PLPP7: variants seen among roughly 807,000 people sequenced by gnomAD.
PLPP7 encodes the protein phospholipid phosphatase 7 (inactive).
PLPP7 carries 11 observed loss-of-function variants against 16.9 expected under a neutral mutation model. That is an observed-to-expected ratio of 0.65 (90% CI 0.41 to 1.08). The LOEUF (loss-of-function observed/expected upper bound fraction) is 1.08, where lower values mean the gene tolerates loss of function less well. Among genes scored for constraint, PLPP7 ranks in the 50% least tolerant of loss-of-function variants. PLPP7 has a pLI of 0.00. For synonymous variants in PLPP7, 174 were observed against 175.1 expected, an observed-to-expected ratio of 0.99 and a Z score of 0.05; for missense variants, 358 against 397.1, an observed-to-expected ratio of 0.90 and a Z score of 0.84.
At chr9:131,302,958 G>A (rs970782006) in intron 1 of PLPP7, among the ~76,000 whole-genome samples, 9 of 152,206 alleles carry the variant, frequency 5.9e-5, no homozygotes, top group South Asian at 2.1e-4. Context: ...CAAGGGGATC[G>A]GGGGTATGTG....
chr9:131,307,505 T>C (rs1198849259), intron 1 of PLPP7, among the ~76,000 whole-genome samples: 1 of 120,830 alleles, frequency 8.3e-6, no homozygotes, highest in African/African-American at 3.4e-5. Context: ...TGAGCCAAGA[T>C]CTCACCTCTG....
rs1170328886 is a variant in PLPP7 at position 131,290,205 on chromosome 9, T to A, written c.208T>A (p.Cys70Ser). 1.9e-6 allele frequency: 3 copies of A among 1,601,496 alleles called. No individual in the cohort carries two copies. In the South Asian group the frequency reaches 3.4e-5, roughly 18 times the overall value. The change falls in exon 1 of 2, where the codon TGC becomes AGC. Residue 70 changes from cysteine to serine, a missense_variant. Coordinates refer to ENST00000372264, the MANE Select transcript of PLPP7 (RefSeq NM_032728.4). The surrounding 1 kb of genome is among the most constrained non-coding windows in gnomAD (Gnocchi z 4.2). ...GTCACAGCAGCTGCCAGAGGAGGAC[T>A]GCATGCAGCTGAACCCCTCCTTCAA... is the stretch of plus-strand genomic sequence containing the variant. The part of the protein sequence containing the change: ...RQSQQLPEED[C>S]MQLNPSFKGI...
At chr9:131,306,218 C>T (rs953307707) in intron 1 of PLPP7, among the ~76,000 whole-genome samples, 3 of 151,382 alleles carry the variant, frequency 2.0e-5, no homozygotes, top group Non-Finnish European at 2.9e-5. Flanking sequence ...GCCTGGATGA[C>T]TGAGCGAGAC....
chr9:131,306,894 G>A (rs141342850), intron 1 of PLPP7, among the ~76,000 whole-genome samples: 194 of 152,290 alleles, frequency 1.3e-3, no homozygotes, highest in African/African-American at 4.3e-3. Flanking sequence ...CCGCTGAAGC[G>A]TGCACTCTAA....
chr9:131,294,989 G>A (rs561143266), intron 1 of PLPP7, among the ~76,000 whole-genome samples: 24 of 149,804 alleles, frequency 1.6e-4, no homozygotes, highest in African/African-American at 5.6e-4. Context: ...ATCTCACTCT[G>A]TCTCCAGGCT....
Position 131,308,421 on chromosome 9 carries a change from C to G in PLPP7, c.*134C>G. ...GCGGCCACCCCCACCTCATCTTCCCCTCCTGGCTGGAGGCTGGCGAACCCA... is the reference window on the plus strand; with the variant it reads ...GCGGCCACCCCCACCTCATCTTCCCGTCCTGGCTGGAGGCTGGCGAACCCA... On this transcript the variant is annotated 3_prime_UTR_variant, in exon 2 of 2. Transcript: ENST00000372264. 7.2e-7 allele frequency: 1 copy of G among 1,388,032 alleles called. No homozygotes were observed. The highest frequency in any genetic ancestry group is 9.5e-7 in the Non-Finnish European group (1 of 1,056,466). The allele number at this position is 1,388,032 out of a possible 1,614,324, so 86.0% of individuals were successfully genotyped here.
Position 131,308,075 on chromosome 9 carries a change from A to C in PLPP7, c.604A>C (p.Lys202Gln). 1.2e-6 allele frequency: 2 copies of C among 1,601,400 alleles called. No individual in the cohort carries two copies. The highest frequency in any genetic ancestry group is 1.7e-6 in the Non-Finnish European group (2 of 1,179,822). The change falls in exon 2 of 2, where the codon AAG (lysine) becomes CAG (glutamine). Residue 202 changes from lysine to glutamine, a missense_variant. Transcript: ENST00000372264. ...GHASRAAMVS[K>Q]FFLSHLVLAV... is the part of the protein sequence containing the mutation. The stretch of plus-strand genomic sequence containing the variant: ...CGCCAGCCGCGCCGCCATGGTGTCC[A>C]AGTTCTTCCTCAGCCACCTGGTGCT...
At chr9:131,307,633 T>C (rs1403718690) in intron 1 of PLPP7, among the ~76,000 whole-genome samples, 1 of 139,834 alleles carries the variant, frequency 7.2e-6, no homozygotes, top group African/African-American at 2.8e-5. Flanking sequence ...AAAAGCTGTA[T>C]GAAAAAATTA....
rs1835720023 is a variant in PLPP7 at position 131,295,015 on chromosome 9, G to C, written c.451+4567G>C. 6.7e-6 allele frequency among the ~76,000 whole-genome samples: 1 copy of C among 149,890 alleles called. No individual in the cohort carries two copies. The highest frequency in any genetic ancestry group is 1.5e-5 in the Non-Finnish European group (1 of 67,424). On this transcript the variant is annotated intron_variant, in intron 1 of 1. Coordinates refer to ENST00000372264, the MANE Select transcript of PLPP7 (RefSeq NM_032728.4). This position sits in a 1 kb window ranked among gnomAD's most constrained non-coding sequence, Gnocchi z 4.0. The stretch of plus-strand genomic sequence containing the variant: ...TCTCCAGGCTGGAGTGCAGTGGTGT[G>C]ATCTTGGCTCACTGGCATGAACCCG...
In PLPP7 at chr9:131,290,543, C is replaced by T. The variant is rs1290754297; in HGVS notation, c.451+95C>T. 3 of 1,209,682 alleles carry T rather than the reference C, an allele frequency of 2.5e-6. No homozygotes were observed. The highest frequency in any genetic ancestry group is 3.3e-6 in the Non-Finnish European group (3 of 899,100). The allele number at this position is 1,209,682 out of a possible 1,614,324, so 74.9% of individuals were successfully genotyped here. ...CCCTGGCCGGGACCTGCACAGCCCT[C>T]AGAAACCGGCTGGGATGGTCTAATG... On this transcript the variant is annotated intron_variant, in intron 1 of 1. Transcript: ENST00000372264. The surrounding 1 kb of genome is among the most constrained non-coding windows in gnomAD (Gnocchi z 4.2).
At chr9:131,301,603 G>C (rs887719182) in intron 1 of PLPP7, among the ~76,000 whole-genome samples, 1 of 152,146 alleles carries the variant, frequency 6.6e-6, no homozygotes, top group South Asian at 2.1e-4. Context: ...AAAAGCCTTC[G>C]CTGGTGTTCC....
chr9:131,308,609 G>A lies in PLPP7; in HGVS notation c.*322G>A, dbSNP rs143616071. The A allele has an allele frequency of 1.2e-3, 438 of 374,306 alleles. 2 individuals are homozygous for A. The highest frequency in any genetic ancestry group is 8.5e-3 in the African/African-American group (414 of 48,620). 23.2% of individuals were successfully genotyped at this position (374,306 alleles called of 1,614,324 possible). On this transcript the variant is annotated 3_prime_UTR_variant, in exon 2 of 2. Transcript: ENST00000372264. ...AAAAATCAGGATGGTGGGAGGGGCC[G>A]AGTCTTGTCTTGTCCTTTCATCATC... is the stretch of plus-strand genomic sequence containing the variant.
At chr9:131,299,978 GC>G (rs1215385391) in intron 1 of PLPP7, among the ~76,000 whole-genome samples, 1 of 152,228 alleles carries the variant, frequency 6.6e-6, no homozygotes, top group Non-Finnish European at 1.5e-5. Context: ...GAGGGAACCA[GC>G]CTGAAATAGC....
chr9:131,308,339 G>T lies in PLPP7; in HGVS notation c.*52G>T. The stretch of plus-strand genomic sequence containing the variant: ...TGGGGGCAGGGCTGGCCCTAGAGAA[G>T]GGGCAGGGGGTGGCGAGGTGGCGGG... On this transcript the variant is annotated 3_prime_UTR_variant, in exon 2 of 2. Coordinates refer to ENST00000372264, the MANE Select transcript of PLPP7 (RefSeq NM_032728.4). 1 of 1,518,010 alleles carries T rather than the reference G, an allele frequency of 6.6e-7. No individual in the cohort carries two copies. Among genetic ancestry groups the T allele is most frequent in the South Asian group, 1.3e-5 (1 of 79,244 alleles). The allele number at this position is 1,518,010 out of a possible 1,614,324, so 94.0% of individuals were successfully genotyped here. A position where few individuals can be genotyped will look rare whatever the true frequency, so the allele number is the denominator to read the frequency against.
At position 131,295,473 on chromosome 9, in the gene PLPP7, CA is replaced by C. The variant is rs956116076; in HGVS notation, c.451+5026del. Among the ~76,000 whole-genome samples, 1 of 152,118 alleles carries C rather than the reference CA, an allele frequency of 6.6e-6. No homozygotes were observed. Among genetic ancestry groups the C allele is most frequent in the Non-Finnish European group, 1.5e-5 (1 of 68,022 alleles). On this transcript the variant is annotated intron_variant, in intron 1 of 1. Transcript: ENST00000372264. This position sits in a 1 kb window ranked among gnomAD's most constrained non-coding sequence, Gnocchi z 4.0. The stretch of plus-strand genomic sequence containing the variant: ...GGCTATGAAAACTACATTTTTATGT[CA>C]TTTTTTATTGTGATAAGCTATACAT...
chr9:131,301,667 G>A (rs1835799311), intron 1 of PLPP7, among the ~76,000 whole-genome samples: 1 of 152,194 alleles, frequency 6.6e-6, no homozygotes. Context: ...CCCGGGCCAG[G>A]CGGGGCTAGG....
In PLPP7 at chr9:131,308,114, C is replaced by A. The variant is rs760054266; in HGVS notation, c.643C>A (p.Arg215Ser). The A allele has an allele frequency of 6.2e-7, 1 of 1,601,360 alleles. No homozygotes were observed. Residue 215 changes from arginine to serine, a missense_variant, in exon 2 of 2, where the codon CGT becomes AGT. By Grantham distance (110) the Arg-to-Ser change is moderately radical. Transcript: ENST00000372264. Reference sequence around the variant, plus strand: ...CCACCTGGTGCTGGCGGTGCCCCTGCGTGTGCTGCTGGTGCTCTGGGCCCT... The same window carrying A: ...CCACCTGGTGCTGGCGGTGCCCCTGAGTGTGCTGCTGGTGCTCTGGGCCCT... ...LSHLVLAVPL[R>S]VLLVLWALCV... is the part of the protein sequence containing the mutation.
Position 131,308,060 on chromosome 9 carries a change from G to A in PLPP7, c.589G>A (p.Ala197Thr), listed in dbSNP as rs751167931. ...CTTCCCGGCCGGGCACGCCAGCCGC[G>A]CCGCCATGGTGTCCAAGTTCTTCCT... ...YAFPAGHASR[A>T]AMVSKFFLSH... Residue 197 changes from alanine to threonine, a missense_variant, in exon 2 of 2, where the codon GCC (alanine) becomes ACC (threonine). Transcript: ENST00000372264. 72 of 1,601,118 alleles carry A rather than the reference G, an allele frequency of 4.5e-5. No individual in the cohort carries two copies. Among genetic ancestry groups the A allele is most frequent in the Non-Finnish European group, 5.0e-5 (59 of 1,179,854 alleles).
At position 131,308,622 on chromosome 9, in the gene PLPP7, T is replaced by C; in HGVS notation, c.*335T>C. 1 of 334,394 alleles carries C rather than the reference T, an allele frequency of 3.0e-6. No individual in the cohort carries two copies. Among genetic ancestry groups the C allele is most frequent in the Non-Finnish European group, 5.6e-6 (1 of 177,272 alleles). The allele number at this position is 334,394 out of a possible 1,614,324, so 20.7% of individuals were successfully genotyped here. On this transcript the variant is annotated 3_prime_UTR_variant, in exon 2 of 2. Transcript: ENST00000372264. ...GTGGGAGGGGCCGAGTCTTGTCTTG[T>C]CCTTTCATCATCATGACTGTTGAGT...
Sources: gnomAD v4.1 joint callset for allele counts (sites outside exome capture counted in the v4.1 genomes callset) on GRCh38, gnomAD v4.1.1 for gene constraint, Gnocchi (gnomAD v3.1) non-coding constraint, MANE v1.5 for transcripts, NCBI Gene and HGNC (gene_info 2026-07-23, HGNC 2026-07-21) for gene names.